Variants in KLHL4 observed in about 807,000 individuals in gnomAD.
KLHL4 encodes kelch like family member 4.
A neutral mutation model predicts 45.8 loss-of-function variants in KLHL4; 17 were observed. The ratio of observed to expected loss-of-function variants is 0.37; its 90% CI spans 0.25 to 0.56. KLHL4 has a LOEUF of 0.56. KLHL4 is among the 20% of genes least tolerant of loss of function. KLHL4 has a pLI of 0.79. For missense variants in KLHL4, 544 were observed against 544.9 expected, an observed-to-expected ratio of 1.00 and a Z score of 0.02; for synonymous variants, 224 against 189.9, an observed-to-expected ratio of 1.18 and a Z score of -1.47.
At chrX:87,605,133 A>C (rs779448965) in intron 1 of KLHL4, among the ~76,000 whole-genome samples, 23 of 111,640 alleles carry the variant, frequency 2.1e-4, no homozygotes, top group African/African-American at 7.1e-4. Flanking sequence ...TGCCTGTTTT[A>C]ATACCAATAT....
intron 9 of KLHL4, among the ~76,000 whole-genome samples, chrX:87,638,422 T>C (rs1162391182): frequency 3.6e-5 from 4 of 111,464 alleles, no homozygotes; most frequent in Non-Finnish European, 5.7e-5. Context: ...ACAAAGGAAA[T>C]AATCTTAAGA....
intron 1 of KLHL4, among the ~76,000 whole-genome samples, chrX:87,570,522 C>G (rs1391936883): frequency 9.1e-6 from 1 of 110,267 alleles, no homozygotes; most frequent in African/African-American, 3.3e-5. Context: ...AGGAGCTGCT[C>G]TCAGTAATTA....
At chrX:87,556,283 G>C (rs373597140) in intron 1 of KLHL4, among the ~76,000 whole-genome samples, 18 of 109,891 alleles carry the variant, frequency 1.6e-4, no homozygotes, top group African/African-American at 4.6e-4. Flanking sequence ...AAATGTCCAA[G>C]AATGATAGAC....
intron 1 of KLHL4, among the ~76,000 whole-genome samples, chrX:87,519,683 C>A (rs1441304638): frequency 8.9e-6 from 1 of 112,267 alleles, no homozygotes; most frequent in African/African-American, 3.2e-5. Flanking sequence ...ACAAATAAGA[C>A]TCTCAAAGTA....
chrX:87,623,179 T>A (rs919344471), intron 5 of KLHL4, among the ~76,000 whole-genome samples: 4 of 111,077 alleles, frequency 3.6e-5, no homozygotes, highest in South Asian at 3.7e-4. Context: ...ATTTAGTGGA[T>A]CAATAATTTT....
chrX:87,536,685 G>A (rs1360991642), intron 1 of KLHL4, among the ~76,000 whole-genome samples: 2 of 109,712 alleles, frequency 1.8e-5, no homozygotes, highest in Non-Finnish European at 3.8e-5. Flanking sequence ...TTCTAGCATA[G>A]CATAAAAGTT....
In KLHL4 at chrX:87,565,222, A is replaced by T. The variant is rs759365931; in HGVS notation, c.422+46907A>T. Among the ~76,000 whole-genome samples, 8 of 103,902 alleles carry T rather than the reference A, an allele frequency of 7.7e-5. No homozygotes were observed. In the South Asian group the frequency reaches 3.6e-3, roughly 47 times the overall value. The allele number at this position is 103,902 out of a possible 115,157, so 90.2% of individuals were successfully genotyped here. ...TACGTGAAAAAGAATAAAATTTTAC[A>T]TTATAACCTATTTTTATAGCTTAAG... On this transcript the variant is annotated intron_variant, in intron 1 of 10. Transcript: ENST00000373119.
intron 1 of KLHL4, among the ~76,000 whole-genome samples, chrX:87,534,888 A>C (rs1270224972): frequency 8.9e-6 from 1 of 111,971 alleles, no homozygotes; most frequent in Non-Finnish European, 1.9e-5. Context: ...GAATCTGATA[A>C]AGAGATTTAA....
chrX:87,604,706 A>C (rs72634514), intron 1 of KLHL4, among the ~76,000 whole-genome samples: 4,390 of 110,811 alleles, frequency 0.04, 90 homozygotes, highest in East Asian at 0.14. Context: ...ATTTTCTCAC[A>C]ATTTGAACAT....
chrX:87,613,704 T>C (rs956092191), intron 1 of KLHL4, among the ~76,000 whole-genome samples, 173 bp from the exon 2 acceptor site: 1 of 111,979 alleles, frequency 8.9e-6, no homozygotes, highest in African/African-American at 3.2e-5. Flanking sequence ...GTAATTATAG[T>C]AAAATATCTA....
intron 1 of KLHL4, among the ~76,000 whole-genome samples, chrX:87,563,094 C>A (rs1484273024): frequency 3.6e-5 from 4 of 111,057 alleles, no homozygotes; most frequent in Non-Finnish European, 7.6e-5. Flanking sequence ...CTGCAGTGAT[C>A]AAAGTCTTAG....
chrX:87,618,243 C>A, intron 4 of KLHL4, 115 bp downstream of exon 4: 1 of 524,653 alleles, frequency 1.9e-6, no homozygotes, highest in Non-Finnish European at 2.8e-6. Flanking sequence ...ATGATATATT[C>A]AACAAAAACA....
intron 3 of KLHL4, among the ~76,000 whole-genome samples, chrX:87,615,919 A>T (rs1162411286): frequency 9.0e-6 from 1 of 111,111 alleles, no homozygotes; most frequent in Non-Finnish European, 1.9e-5. Context: ...AGCTTTTTTG[A>T]ATATACTAAA....
At chrX:87,623,635 C>T (rs1922831107) in intron 5 of KLHL4, among the ~76,000 whole-genome samples, 1 of 111,078 alleles carries the variant, frequency 9.0e-6, no homozygotes, top group African/African-American at 3.3e-5. Context: ...AATTAAATTC[C>T]ATAGAACTAT....
intron 1 of KLHL4, among the ~76,000 whole-genome samples, chrX:87,596,196 T>G (rs1197255481): frequency 8.9e-6 from 1 of 111,976 alleles, no homozygotes; most frequent in Non-Finnish European, 1.9e-5. Flanking sequence ...CTGTATAGCC[T>G]GTAGAACTGT....
At chrX:87,568,157 A>C (rs764619651) in intron 1 of KLHL4, among the ~76,000 whole-genome samples, 31 of 110,074 alleles carry the variant, frequency 2.8e-4, no homozygotes, top group African/African-American at 9.6e-4. Flanking sequence ...AAAGTATAAT[A>C]GTGATTATCT....
intron 1 of KLHL4, among the ~76,000 whole-genome samples, chrX:87,567,884 T>C (rs1430182086): frequency 9.1e-6 from 1 of 110,293 alleles, no homozygotes; most frequent in African/African-American, 3.3e-5. Flanking sequence ...GATGGGATCA[T>C]CCATACCCCA....
chrX:87,637,786 T>A (rs1292423996), intron 9 of KLHL4, among the ~76,000 whole-genome samples: 1 of 110,611 alleles, frequency 9.0e-6, no homozygotes, highest in South Asian at 3.9e-4. Flanking sequence ...CTTTCTGTAC[T>A]AAAAATACAA....
chrX:87,666,478 G>T lies in KLHL4; in HGVS notation c.2101G>T (p.Val701Phe). The change falls in exon 11 of 11, where the codon GTT (valine) becomes TTT (phenylalanine). Residue 701 changes from valine (V) to phenylalanine (F), a missense_variant. Val to Phe is a conservative substitution (Grantham distance 50). Transcript: ENST00000373119. ...TGTTTCTTATTTTGTGTTTTAGGAA[G>T]TTCCTGTTAACATTGGAAGAGCTGG... Reference protein sequence around the residue: ...DAQRNEWKEEVPVNIGRAGAC... With the variant: ...DAQRNEWKEEFPVNIGRAGAC... 2 of 1,184,197 alleles carry T rather than the reference G, an allele frequency of 1.7e-6. No individual in the cohort carries two copies. Among genetic ancestry groups the T allele is most frequent in the South Asian group, 3.6e-5 (2 of 55,043 alleles).
Sources: allele counts gnomAD v4.1 joint callset (sites outside exome capture counted in the v4.1 genomes callset), GRCh38; gene constraint gnomAD v4.1.1; transcripts MANE v1.5; gene names NCBI Gene and HGNC (gene_info 2026-07-23, HGNC 2026-07-21).